Variants in YAP1 observed in about 807,000 individuals in gnomAD.
The protein encoded by YAP1 is Yes1 associated transcriptional regulator.
Under a neutral mutation model 56.9 loss-of-function variants are expected in YAP1, and 5 were observed. The observed-to-expected ratio is 0.09, with a 90% CI of 0.05 to 0.18. The LOEUF (loss-of-function observed/expected upper bound fraction) is 0.18. YAP1 is among the 10% of genes least tolerant of loss of function. The pLI is 1.00. For synonymous variants in YAP1, 265 were observed against 248.1 expected (o/e 1.07, Z -0.64); for missense variants, 539 against 651.8 (o/e 0.83, Z 1.88).
chr11:102,111,145 G>A lies in YAP1; in HGVS notation c.297G>A (p.Pro99=). 1.9e-6 allele frequency: 3 copies of A among 1,613,118 alleles called. No homozygotes were observed. The highest frequency in any genetic ancestry group is 2.5e-6 in the Non-Finnish European group (3 of 1,179,822). Residue 99 remains proline, a synonymous_variant, in exon 1 of 9, where the codon CCG becomes CCA. Coordinates refer to ENST00000282441, the MANE Select transcript of YAP1 (RefSeq NM_001130145.3). ...TGCCCGACTCCTTCTTCAAGCCGCC[G>A]GAGCCCAAATCCCACTCCCGACAGG... is the stretch of plus-strand genomic sequence containing the variant. ...RKLPDSFFKP[P]EPKSHSRQAS...
intron 2 of YAP1, among the ~76,000 whole-genome samples, chr11:102,159,551 C>A (rs1252598284): frequency 1.3e-5 from 2 of 152,200 alleles, no homozygotes; most frequent in South Asian, 4.1e-4. Context: ...AAAACATATT[C>A]TTGGCCCATT....
chr11:102,114,099 T>C lies in YAP1; in HGVS notation c.322-45T>C, dbSNP rs1299097784. On this transcript the variant is annotated intron_variant, in intron 1 of 8. Transcript: ENST00000282441. ...ACTGGGAAATTTAAAGGGACTCAGT[T>C]GTGTTTTTTCTTTTTTAATTTTTCA... is the stretch of plus-strand genomic sequence containing the variant. 3.2e-6 allele frequency: 5 copies of C among 1,549,940 alleles called. No homozygotes were observed. The South Asian group carries it at 6.1e-5, about 19-fold the overall frequency.
At chr11:102,175,975 A>G (rs1332755364) in intron 3 of YAP1, among the ~76,000 whole-genome samples, 1 of 152,152 alleles carries the variant, frequency 6.6e-6, no homozygotes, top group Non-Finnish European at 1.5e-5. Context: ...GCAGAACTTG[A>G]TTAGGGATTG....
intron 2 of YAP1, among the ~76,000 whole-genome samples, chr11:102,156,557 G>T (rs898261265): frequency 1.3e-5 from 2 of 152,030 alleles, no homozygotes; most frequent in African/African-American, 2.4e-5. Context: ...TGATTATTAC[G>T]AAAAGAGCTA....
At chr11:102,188,593 A>G (rs1041783263) in intron 4 of YAP1, among the ~76,000 whole-genome samples, 2 of 152,216 alleles carry the variant, frequency 1.3e-5, no homozygotes, top group Non-Finnish European at 2.9e-5. Context: ...ATGTTTAGAT[A>G]CACAAATACT....
chr11:102,203,561 T>C (rs1286559131), intron 4 of YAP1, among the ~76,000 whole-genome samples: 1 of 152,162 alleles, frequency 6.6e-6, no homozygotes, highest in Non-Finnish European at 1.5e-5. Flanking sequence ...TAGTTGAGGA[T>C]AGAGGTAAAA....
intron 4 of YAP1, among the ~76,000 whole-genome samples, chr11:102,188,530 T>C (rs1025366596): frequency 8.5e-5 from 13 of 152,350 alleles, no homozygotes; most frequent in African/African-American, 2.6e-4. Context: ...AGACCACATA[T>C]ACAGTCGTGG....
intron 4 of YAP1, among the ~76,000 whole-genome samples, chr11:102,202,742 T>C (rs1476205494): frequency 2.0e-5 from 3 of 152,112 alleles, no homozygotes; most frequent in Middle Eastern, 3.2e-3. Context: ...AAATCAGTGG[T>C]TGCTAAAAAC....
In YAP1 at chr11:102,187,644, T is replaced by C. The variant is rs549368613; in HGVS notation, c.802+1513T>C. Among the ~76,000 whole-genome samples the C allele has an allele frequency of 1.7e-3, 261 of 152,334 alleles. 1 individual carries two copies. The highest frequency in any genetic ancestry group is 2.8e-3 in the Non-Finnish European group (191 of 68,010). On this transcript the variant is annotated intron_variant, in intron 4 of 8. Coordinates refer to ENST00000282441, the MANE Select transcript of YAP1 (RefSeq NM_001130145.3). ...TTATGAAAGATGATGACGAACGCTTTACCAACTGCAGAGATCAGGAAGAAC... is the reference window on the plus strand; with the variant it reads ...TTATGAAAGATGATGACGAACGCTTCACCAACTGCAGAGATCAGGAAGAAC...
intron 2 of YAP1, among the ~76,000 whole-genome samples, chr11:102,130,276 G>T (rs996103217): frequency 2.0e-5 from 3 of 152,172 alleles, no homozygotes; most frequent in African/African-American, 7.2e-5. Flanking sequence ...AAGTGTGTCA[G>T]AATAGCCAAG....
At chr11:102,192,983 T>C (rs1948376777) in intron 4 of YAP1, among the ~76,000 whole-genome samples, 1 of 152,224 alleles carries the variant, frequency 6.6e-6, no homozygotes, top group Non-Finnish European at 1.5e-5. Flanking sequence ...TCTCAAACTC[T>C]TGGAAGCATA....
intron 3 of YAP1, among the ~76,000 whole-genome samples, chr11:102,181,342 A>T (rs1947609299): frequency 6.6e-6 from 1 of 151,942 alleles, no homozygotes; most frequent in African/African-American, 2.4e-5. Flanking sequence ...GCTACTTGGG[A>T]GGCTGAGGCA....
At chr11:102,141,505 G>T (rs762340100) in intron 2 of YAP1, among the ~76,000 whole-genome samples, 14 of 152,162 alleles carry the variant, frequency 9.2e-5, no homozygotes, top group Non-Finnish European at 1.9e-4. Flanking sequence ...AATGTGGTAA[G>T]CCCTAAGTAA....
chr11:102,130,506 T>A (rs1460439552), intron 2 of YAP1, among the ~76,000 whole-genome samples: 1 of 151,748 alleles, frequency 6.6e-6, no homozygotes, highest in Non-Finnish European at 1.5e-5. Context: ...TGGACTTAGG[T>A]GATTCTCCAC....
chr11:102,116,793 A>G (rs1432055061), intron 2 of YAP1, among the ~76,000 whole-genome samples: 1 of 152,136 alleles, frequency 6.6e-6, no homozygotes, highest in Non-Finnish European at 1.5e-5. Context: ...TCCATGGAAG[A>G]ATTTTCTTAT....
At chr11:102,210,506 A>G (rs1394564374) in intron 6 of YAP1, among the ~76,000 whole-genome samples, 1 of 152,202 alleles carries the variant, frequency 6.6e-6, no homozygotes, top group Non-Finnish European at 1.5e-5. Context: ...ATTTTGTGAG[A>G]GGGAAAATCT....
chr11:102,142,389 TA>T (rs1456479402), intron 2 of YAP1, among the ~76,000 whole-genome samples: 2 of 152,242 alleles, frequency 1.3e-5, no homozygotes, highest in East Asian at 3.8e-4. Context: ...ACAAATTGTT[TA>T]TTATCTGTCA....
intron 2 of YAP1, among the ~76,000 whole-genome samples, chr11:102,152,085 T>C (rs1189536330): frequency 1.3e-5 from 2 of 152,200 alleles, no homozygotes; most frequent in Non-Finnish European, 2.9e-5. Flanking sequence ...CAGTAGTTAA[T>C]AGGAAATGCC....
chr11:102,192,273 C>T (rs1948330473), intron 4 of YAP1, among the ~76,000 whole-genome samples: 1 of 152,154 alleles, frequency 6.6e-6, no homozygotes, highest in South Asian at 2.1e-4. Flanking sequence ...TCAGAGTTCT[C>T]TGTTCTTTAT....
Sources: gnomAD v4.1 joint callset for allele counts (sites outside exome capture counted in the v4.1 genomes callset) on GRCh38, gnomAD v4.1.1 for gene constraint, MANE v1.5 for transcripts, NCBI Gene and HGNC (gene_info 2026-07-23, HGNC 2026-07-21) for gene names.